IRAK1BP1: variants seen among roughly 807,000 people sequenced by gnomAD.
IRAK1BP1 encodes the protein interleukin-1 receptor-associated kinase 1-binding protein 1.
A neutral mutation model predicts 28.0 loss-of-function variants in IRAK1BP1; 24 were observed. That is an observed-to-expected ratio of 0.86 (90% CI 0.62 to 1.20). The LOEUF is 1.20. Among genes scored for constraint, IRAK1BP1 ranks in the 50% most tolerant of loss-of-function variants. The pLI is 0.00. For missense variants in IRAK1BP1, 336 were observed against 316.7 expected (o/e 1.06, Z -0.46); for synonymous variants, 131 against 116.3 (o/e 1.13, Z -0.81).
the IRAK1BP1 span, among the ~76,000 whole-genome samples, chr6:78,960,018 G>A: frequency 3.9e-5 from 6 of 152,144 alleles, no homozygotes; most frequent in Admixed American, 3.9e-4. Flanking sequence ...TTAACCTCAT[G>A]ATCACGTGGC....
chr6:78,973,366 T>G, the IRAK1BP1 span, among the ~76,000 whole-genome samples: 1 of 148,272 alleles, frequency 6.7e-6, no homozygotes, highest in Non-Finnish European at 1.5e-5. Context: ...CTACAAGAGC[T>G]CCTGAAGGAA....
the IRAK1BP1 span, among the ~76,000 whole-genome samples, chr6:78,954,065 C>T: frequency 6.6e-6 from 1 of 152,086 alleles, no homozygotes; most frequent in African/African-American, 2.4e-5. Context: ...AATAATGTCA[C>T]CTTACATTTG....
intron 4 of IRAK1BP1, among the ~76,000 whole-genome samples, chr6:78,911,152 C>A (rs1394499412): frequency 2.6e-5 from 4 of 152,094 alleles, no homozygotes; most frequent in Non-Finnish European, 5.9e-5. Flanking sequence ...GCTCCTACTC[C>A]ATTCCTATCG....
In IRAK1BP1 at chr6:78,940,979, G is replaced by A. The variant is rs373941762; in HGVS notation, c.*68-4429G>A. ...GACACTTGCAGGGACTAGGAGATCT[G>A]CATCTAATTTTTGTGTCTTCATCTT... On this transcript the variant is annotated intron_variant and NMD_transcript_variant, in intron 4 of 4. Coordinates refer to the IRAK1BP1 transcript ENST00000606868. The A allele has an allele frequency of 2.3e-5, 37 of 1,613,730 alleles. No homozygotes were observed. In the African/African-American group the frequency reaches 4.7e-4, roughly 20 times the overall value.
chr6:78,877,885 T>G lies in IRAK1BP1; in HGVS notation c.316-7493T>G, dbSNP rs573079221. Among the ~76,000 whole-genome samples the G allele has an allele frequency of 6.4e-4, 98 of 152,154 alleles. 1 individual carries two copies. The South Asian group carries it at 8.1e-3, about 13-fold the overall frequency. On this transcript the variant is annotated intron_variant, in intron 1 of 3. Coordinates refer to ENST00000369940, the MANE Select transcript of IRAK1BP1 (RefSeq NM_001010844.4). ...GAGGGTCCCACACCCACAGAGCCTC[T>G]CTTGCTGCTAGCACAGCAGTCTGAT...
At chr6:78,963,078 C>G in the IRAK1BP1 span, 2 of 1,564,080 alleles carry the variant, frequency 1.3e-6, no homozygotes, top group South Asian at 2.4e-5. Flanking sequence ...TTTCTATACT[C>G]GCGTGTTGCT....
intron 1 of IRAK1BP1, among the ~76,000 whole-genome samples, chr6:78,868,425 A>C (rs1438887386): frequency 6.6e-6 from 1 of 152,214 alleles, no homozygotes; most frequent in African/African-American, 2.4e-5. Flanking sequence ...TCATTTTATA[A>C]TGATTTTCAT....
the IRAK1BP1 span, chr6:78,955,736 C>T: frequency 1.5e-6 from 1 of 652,774 alleles, no homozygotes; most frequent in South Asian, 2.2e-5. Flanking sequence ...TAATTTTTTT[C>T]CTTAAAAATT....
chr6:78,946,829 T>C (rs773625326), downstream of IRAK1BP1: 10 of 1,586,912 alleles, frequency 6.3e-6, no homozygotes, highest in Non-Finnish European at 8.6e-6. Flanking sequence ...ACTGAACTAA[T>C]GTGTTCTTCA....
At chr6:78,975,524 G>A in the IRAK1BP1 span, among the ~76,000 whole-genome samples, 1 of 152,142 alleles carries the variant, frequency 6.6e-6, no homozygotes, top group Non-Finnish European at 1.5e-5. Flanking sequence ...TTCTGGCCAG[G>A]GCAATTAGGC....
chr6:78,880,287 A>G (rs1771180403), intron 1 of IRAK1BP1, among the ~76,000 whole-genome samples: 2 of 152,210 alleles, frequency 1.3e-5, no homozygotes, highest in Admixed American at 6.5e-5. Flanking sequence ...AATATCCCAA[A>G]TCCAAAAATC....
the IRAK1BP1 span, among the ~76,000 whole-genome samples, chr6:78,963,865 G>C: frequency 1.3e-5 from 2 of 152,112 alleles, no homozygotes; most frequent in African/African-American, 4.8e-5. Flanking sequence ...ATACACTCTA[G>C]AAAATACGCC....
At chr6:78,875,761 T>G (rs990313884) in intron 1 of IRAK1BP1, among the ~76,000 whole-genome samples, 6 of 152,116 alleles carry the variant, frequency 3.9e-5, no homozygotes, top group Admixed American at 3.9e-4. Flanking sequence ...AGTAACCACG[T>G]AGTGTTTCCT....
At chr6:78,903,241 G>A (rs577349249), downstream of IRAK1BP1, 64 of 502,114 alleles carry the variant, frequency 1.3e-4, 1 homozygote, top group Admixed American at 1.2e-3. Context: ...CCAACACTTC[G>A]GGAGGCCGAG....
chr6:78,878,679 C>T (rs548390152), intron 1 of IRAK1BP1, among the ~76,000 whole-genome samples: 17 of 152,272 alleles, frequency 1.1e-4, no homozygotes, highest in South Asian at 2.1e-4. Flanking sequence ...AGGCTTCAGA[C>T]GATCGGTAAT....
chr6:78,946,455 T>C (rs1773823549), downstream of IRAK1BP1: 1 of 1,403,576 alleles, frequency 7.1e-7, no homozygotes, highest in Admixed American at 3.2e-5. Flanking sequence ...GCTAAAGTTA[T>C]ATGACGGAAA....
At chr6:78,953,791 G>A in the IRAK1BP1 span, among the ~76,000 whole-genome samples, 1 of 151,908 alleles carries the variant, frequency 6.6e-6, no homozygotes, top group Admixed American at 6.6e-5. Context: ...TTACCATGTT[G>A]GTCAGGCTGG....
At chr6:78,872,202 A>C in intron 1 of IRAK1BP1, 1 of 674,144 alleles carries the variant, frequency 1.5e-6, no homozygotes, top group Non-Finnish European at 2.7e-6. Context: ...CACAGCGGTA[A>C]TTTGCTTGAC....
chr6:78,935,880 C>G (rs1773255080), intron 4 of IRAK1BP1: 1 of 330,342 alleles, frequency 3.0e-6, no homozygotes, highest in Non-Finnish European at 4.3e-6. Flanking sequence ...CTTAGAAAAA[C>G]AAGTTTTCTA....
Sources: gnomAD v4.1 joint callset for allele counts (sites outside exome capture counted in the v4.1 genomes callset) on GRCh38, gnomAD v4.1.1 for gene constraint, MANE v1.5 for transcripts, NCBI Gene and HGNC (gene_info 2026-07-23, HGNC 2026-07-21) for gene names.